The following PRMT7 variants were observed in gnomAD, a reference collection of about 807,000 sequenced individuals.
The protein encoded by PRMT7 is protein arginine N-methyltransferase 7.
Under a neutral mutation model 85.4 loss-of-function variants are expected in PRMT7, and 75 were observed. The observed-to-expected ratio is 0.88, with a 90% CI of 0.73 to 1.06. PRMT7 has a LOEUF of 1.06. Among genes scored for constraint, PRMT7 ranks in the 50% least tolerant of loss-of-function variants. The probability of loss-of-function intolerance (pLI) is 0.00; values close to 1 mark genes in which losing one functional copy is unlikely to be tolerated. For synonymous variants in PRMT7, 397 were observed against 359.5 expected (o/e 1.10, Z -1.18); for missense variants, 868 against 915.2 (o/e 0.95, Z 0.67).
intron 6 of PRMT7, among the ~76,000 whole-genome samples, chr16:68,333,505 A>G (rs2084215641): frequency 6.6e-6 from 1 of 151,934 alleles, no homozygotes; most frequent in Admixed American, 6.6e-5. Flanking sequence ...AAGAAAAGAA[A>G]AGAAACTAGG....
chr16:68,326,915 A>T (rs1412301146), intron 5 of PRMT7, among the ~76,000 whole-genome samples: 1 of 152,162 alleles, frequency 6.6e-6, no homozygotes, highest in Non-Finnish European at 1.5e-5. Flanking sequence ...AGCAGGGGTG[A>T]GGGACGACAC....
chr16:68,347,315 C>T, intron 12 of PRMT7, 21 bp downstream of exon 12: 1 of 1,523,304 alleles, frequency 6.6e-7, no homozygotes, highest in South Asian at 1.2e-5. Context: ...GCACCCTTGT[C>T]AGCCTCCTGA....
At chr16:68,354,589 C>G (rs1239100159) in intron 16 of PRMT7, 1 of 152,334 alleles carries the variant, frequency 6.6e-6, no homozygotes, top group East Asian at 1.9e-4. Flanking sequence ...CTGCCCCTCA[C>G]AGCAGACCAT....
Position 68,357,441 on chromosome 16 carries a change from C to A in PRMT7, c.*217C>A, listed in dbSNP as rs977305643. On this transcript the variant is annotated 3_prime_UTR_variant, in exon 19 of 19. Coordinates refer to ENST00000441236, the MANE Select transcript of PRMT7 (RefSeq NM_019023.5). ...ATGAGAGGGTGACTGAATTTGGAGCCCTGGAGGGGCTGGGAAGACCCCCCT... is the reference window on the plus strand; with the variant it reads ...ATGAGAGGGTGACTGAATTTGGAGCACTGGAGGGGCTGGGAAGACCCCCCT... 5 of 548,602 alleles carry A rather than the reference C, an allele frequency of 9.1e-6. No individual in the cohort carries two copies. Among genetic ancestry groups the A allele is most frequent in the Non-Finnish European group, 3.1e-6 (1 of 320,098 alleles). 34.0% of individuals were successfully genotyped at this position (548,602 alleles called of 1,614,324 possible).
At position 68,352,344 on chromosome 16, in the gene PRMT7, C is replaced by T; in HGVS notation, c.1510C>T (p.Leu504=). 6.2e-7 allele frequency: 1 copy of T among 1,612,156 alleles called. No individual in the cohort carries two copies. The highest frequency in any genetic ancestry group is 8.5e-7 in the Non-Finnish European group (1 of 1,179,994). The change falls in exon 15 of 19, where the codon CTG becomes TTG. Residue 504 remains leucine (L), a synonymous_variant. Transcript: ENST00000441236. ...CGTGCGGACCGCTGTGGACCAGCAC[C>T]TGGGGCCAGGTGCCATGGTGATGCC... ...WYVRTAVDQH[L]GPGAMVMPQA...
At chr16:68,313,325 T>C (rs2044209846) in intron 2 of PRMT7, among the ~76,000 whole-genome samples, 1 of 152,200 alleles carries the variant, frequency 6.6e-6, no homozygotes. Flanking sequence ...ATCACGCTTA[T>C]GAACTACAAA....
At chr16:68,323,747 T>A (rs965698374) in intron 4 of PRMT7, 1 of 152,246 alleles carries the variant, frequency 6.6e-6, no homozygotes, top group Admixed American at 6.5e-5. Flanking sequence ...CAAATTACCT[T>A]AAATTTTAAT....
chr16:68,342,340 G>A (rs140053568), intron 9 of PRMT7, among the ~76,000 whole-genome samples: 2,067 of 152,226 alleles, frequency 0.014, 26 homozygotes, highest in Non-Finnish European at 0.019. Context: ...AGCTTGGCCC[G>A]GACCCAGGAA....
chr16:68,329,900 T>C lies in PRMT7; in HGVS notation c.391+726T>C, dbSNP rs146024272. Among the ~76,000 whole-genome samples, 906 of 123,532 alleles carry C rather than the reference T, an allele frequency of 7.3e-3. 13 individuals are homozygous for C. Among genetic ancestry groups the C allele is most frequent in the African/African-American group, 0.026 (812 of 31,442 alleles). The allele number at this position is 123,532 out of a possible 152,430, so 81.0% of individuals were successfully genotyped here. ...GTACACACACACACACACACACACA[T>C]ATTTTTTTTTTGAGACGGAATCTCA... On this transcript the variant is annotated intron_variant, in intron 6 of 18. Transcript: ENST00000441236.
In PRMT7 at chr16:68,347,211, G is replaced by A. The variant is rs2086549120; in HGVS notation, c.1192G>A (p.Val398Met). Reference protein sequence around the residue: ...TDRYVQALRTVLKPDSVCLCV... With the variant: ...TDRYVQALRTMLKPDSVCLCV... ...TGCTGAGCTTGCCTGTTCCCCGCAG[G>A]TGCTGAAGCCAGACAGCGTGTGCCT... The change falls in exon 12 of 19, where the codon GTG becomes ATG. Residue 398 changes from valine to methionine, a missense_variant and splice_region_variant. Physicochemically the swap from Val to Met is conservative, Grantham distance 21. Transcript: ENST00000441236. 1.3e-6 allele frequency: 2 copies of A among 1,552,180 alleles called. No homozygotes were observed. Among genetic ancestry groups the A allele is most frequent in the Non-Finnish European group, 1.7e-6 (2 of 1,147,122 alleles).
intron 11 of PRMT7, 99 bp downstream of exon 11, chr16:68,346,379 G>A: frequency 6.5e-7 from 1 of 1,548,828 alleles, no homozygotes; most frequent in South Asian, 1.2e-5. Context: ...TTTCTTTCCT[G>A]TGTCCTCTTG....
At chr16:68,336,326 A>G (rs2084685115) in intron 6 of PRMT7, among the ~76,000 whole-genome samples, 1 of 152,190 alleles carries the variant, frequency 6.6e-6, no homozygotes, top group Non-Finnish European at 1.5e-5. Context: ...TCCCTCCCAA[A>G]TCCTACTCTT....
chr16:68,354,690 A>G (rs2151925216), intron 16 of PRMT7: 1 of 152,854 alleles, frequency 6.5e-6, no homozygotes, highest in East Asian at 1.9e-4. Flanking sequence ...GCCCCTGCTC[A>G]TGGCCTGCCC....
rs2086696246 is a variant in PRMT7, at chr16:68,348,233, C to A, written c.1324-109C>A. ...GCAGATAAAAGTGGTGTTCCAGAAC[C>A]ATTTGCCGGAAAATTCAAAGCGGAG... On this transcript the variant is annotated intron_variant, in intron 13 of 18. Transcript: ENST00000441236. The A allele has an allele frequency of 2.1e-5, 19 of 921,332 alleles. No individual in the cohort carries two copies. In the Admixed American group the frequency reaches 2.3e-4, roughly 11 times the overall value. The allele number at this position is 921,332 out of a possible 1,614,324, so 57.1% of individuals were successfully genotyped here.
chr16:68,339,060 A>G (rs1381581733), intron 7 of PRMT7, among the ~76,000 whole-genome samples: 6 of 152,194 alleles, frequency 3.9e-5, no homozygotes, highest in Non-Finnish European at 5.9e-5. Flanking sequence ...GACGTGAAGC[A>G]TTTAAGAGTG....
intron 9 of PRMT7, among the ~76,000 whole-genome samples, chr16:68,344,181 C>G (rs956965195): frequency 3.3e-5 from 5 of 152,148 alleles, no homozygotes; most frequent in Non-Finnish European, 7.4e-5. Context: ...GTTACCCAGG[C>G]TGGTCCCGTA....
chr16:68,356,684 C>T lies in PRMT7; in HGVS notation c.1812-17C>T, dbSNP rs2088587419. 1.1e-5 allele frequency: 17 copies of T among 1,602,254 alleles called. No homozygotes were observed. Among genetic ancestry groups the T allele is most frequent in the Non-Finnish European group, 1.4e-5 (16 of 1,172,866 alleles). On this transcript the variant is annotated splice_polypyrimidine_tract_variant and intron_variant, in intron 17 of 18. Transcript: ENST00000441236. Reference sequence around the variant, plus strand: ...TCTTGTGTGACTACTTCTGCTGGGCCCCCCTCTCCTTGACAGGCCCGGGCA... The same window carrying T: ...TCTTGTGTGACTACTTCTGCTGGGCTCCCCTCTCCTTGACAGGCCCGGGCA...
intron 9 of PRMT7, among the ~76,000 whole-genome samples, chr16:68,342,217 G>C (rs2085652919): frequency 6.6e-6 from 1 of 152,184 alleles, no homozygotes; most frequent in Non-Finnish European, 1.5e-5. Context: ...GGTGGAAATT[G>C]AAGTGAGCTG....
intron 2 of PRMT7, among the ~76,000 whole-genome samples, chr16:68,314,384 C>T (rs2044400072): frequency 6.6e-6 from 1 of 152,206 alleles, no homozygotes; most frequent in South Asian, 2.1e-4. Context: ...ACGTGCGCCA[C>T]CATGTCTGGC....
Sources: gnomAD v4.1 joint callset for allele counts (sites outside exome capture counted in the v4.1 genomes callset) on GRCh38, gnomAD v4.1.1 for gene constraint, MANE v1.5 for transcripts, NCBI Gene and HGNC (gene_info 2026-07-23, HGNC 2026-07-21) for gene names.